The following PDS5A variants were observed in gnomAD, a reference collection of about 807,000 sequenced individuals.
PDS5A encodes the protein PDS5 cohesin associated factor A.
A neutral mutation model predicts 167.1 loss-of-function variants in PDS5A; 42 were observed. The ratio of observed to expected loss-of-function variants is 0.25; its 90% confidence interval spans 0.20 to 0.33. PDS5A has a LOEUF of 0.33. PDS5A is among the 10% of genes least tolerant of loss of function. The pLI is 1.00. For missense variants in PDS5A, 1,033 were observed against 1,605.9 expected, an observed-to-expected ratio of 0.64 and a Z score of 6.10; for synonymous variants, 553 against 554.6, an observed-to-expected ratio of 1.00 and a Z score of 0.04.
At chr4:39,901,425 G>A (rs2109653696) in intron 13 of PDS5A, among the ~76,000 whole-genome samples, 1 of 151,936 alleles carries the variant, frequency 6.6e-6, no homozygotes, top group East Asian at 1.9e-4. Context: ...GCACCACCAT[G>A]CCCAACTAAT....
chr4:39,940,882 G>A (rs1472051928), intron 2 of PDS5A, among the ~76,000 whole-genome samples: 1 of 152,152 alleles, frequency 6.6e-6, no homozygotes, highest in East Asian at 1.9e-4. Context: ...TGTTGCCCAG[G>A]CTGACTCAAA....
At chr4:39,916,944 T>C in intron 8 of PDS5A, 104 bp downstream of exon 8, 2 of 545,816 alleles carry the variant, frequency 3.7e-6, no homozygotes, top group East Asian at 6.9e-5. Context: ...GGTATACATT[T>C]TTCCTGGAAA....
Position 39,898,814 on chromosome 4 carries a change from G to T in PDS5A, c.1593C>A (p.Asn531Lys), listed in dbSNP as rs1404288617. The stretch of plus-strand genomic sequence containing the variant: ...TCAGTTTTCCAAACATGGCAGAACA[G>T]TTAGCCTCTGACTGAAATTTAAAAC... Reference protein sequence around the residue: ...DLHKQPTSEANCSAMFGKLMT... With the variant: ...DLHKQPTSEAKCSAMFGKLMT... The change falls in exon 15 of 33, where the codon AAC (asparagine) becomes AAA (lysine). Residue 531 changes from asparagine (N) to lysine (K), a missense_variant. By Grantham distance (94) the Asn-to-Lys change is moderately conservative. Coordinates refer to ENST00000303538, the MANE Select transcript of PDS5A (RefSeq NM_001100399.2). 1.6e-5 allele frequency: 26 copies of T among 1,589,186 alleles called. No homozygotes were observed. The highest frequency in any genetic ancestry group is 2.1e-5 in the Non-Finnish European group (25 of 1,164,784).
chr4:39,825,584 CTTTT>C, intron 32 of PDS5A, 96 bp from the exon 33 acceptor site: 22 of 674,350 alleles, frequency 3.3e-5, no homozygotes, highest in Admixed American at 1.5e-4. Flanking sequence ...TATCTAAAAT[CTTTT>C]TTTTTTTTTT....
chr4:39,888,670 A>C (rs1168844510), intron 17 of PDS5A, among the ~76,000 whole-genome samples: 1 of 147,868 alleles, frequency 6.8e-6, no homozygotes, highest in Non-Finnish European at 1.5e-5. Flanking sequence ...ATTATGTTAA[A>C]TAAAACAAGC....
At chr4:39,850,771 C>A (rs990983751) in intron 26 of PDS5A, among the ~76,000 whole-genome samples, 1 of 152,176 alleles carries the variant, frequency 6.6e-6, no homozygotes, top group Non-Finnish European at 1.5e-5. Context: ...CTGAAGGGAA[C>A]ATTTGAATTT....
intron 26 of PDS5A, among the ~76,000 whole-genome samples, chr4:39,859,645 C>CA (rs1217992636): frequency 6.6e-6 from 1 of 152,160 alleles, no homozygotes; most frequent in African/African-American, 2.4e-5. Context: ...AGTTCAATTT[C>CA]AGAGTGCACC....
At chr4:39,866,509 T>C (rs1719470877) in intron 23 of PDS5A, among the ~76,000 whole-genome samples, 1 of 152,212 alleles carries the variant, frequency 6.6e-6, no homozygotes, top group Non-Finnish European at 1.5e-5. Flanking sequence ...GCAGGGACTT[T>C]TCCTACTTAT....
At chr4:39,943,317 T>C (rs1452896531) in intron 2 of PDS5A, among the ~76,000 whole-genome samples, 1 of 152,138 alleles carries the variant, frequency 6.6e-6, no homozygotes, top group Non-Finnish European at 1.5e-5. Flanking sequence ...GTTTTTCTAA[T>C]ACACCAGCAT....
In PDS5A at chr4:39,926,759, G is replaced by T. The variant is rs756141196; in HGVS notation, c.429+16C>A. The T allele has an allele frequency of 1.8e-4, 193 of 1,050,214 alleles. No homozygotes were observed. The Middle Eastern group carries it at 2.0e-3, about 11-fold the overall frequency. The allele number at this position is 1,050,214 out of a possible 1,614,324, so 65.1% of individuals were successfully genotyped here. ...TGAAATAATGTTAATAGTTATTAAA[G>T]TTTTTTTTTTTTTACCTCTAATAAA... On this transcript the variant is annotated intron_variant, in intron 4 of 32. Transcript: ENST00000303538.
intron 2 of PDS5A, chr4:39,973,572 C>A: frequency 7.9e-7 from 1 of 1,261,438 alleles, no homozygotes. Context: ...AGGGTGGTCA[C>A]AGCAAAGGGT....
chr4:39,831,474 T>C (rs1214271569), intron 32 of PDS5A, among the ~76,000 whole-genome samples: 8 of 152,238 alleles, frequency 5.3e-5, no homozygotes, highest in Non-Finnish European at 1.0e-4. Flanking sequence ...ATAAGCACTA[T>C]ATTACCATTA....
At chr4:39,849,045 T>C in intron 27 of PDS5A, 75 bp from the exon 28 acceptor site, 1 of 1,019,100 alleles carries the variant, frequency 9.8e-7, no homozygotes, top group South Asian at 1.6e-5. Context: ...ACTAAATGTA[T>C]AATTTAGAGT....
chr4:39,945,978 G>A (rs147391109), intron 2 of PDS5A, among the ~76,000 whole-genome samples: 1 of 151,624 alleles, frequency 6.6e-6, no homozygotes, highest in East Asian at 1.9e-4. Flanking sequence ...GTGGAGGGAG[G>A]GGGGGATCAC....
chr4:39,968,918 G>C (rs1730244072), intron 2 of PDS5A, among the ~76,000 whole-genome samples: 1 of 151,650 alleles, frequency 6.6e-6, no homozygotes, highest in Non-Finnish European at 1.5e-5. Context: ...TGGGATTACA[G>C]GCATGTGCCA....
chr4:39,881,192 T>A (rs1046262939), intron 17 of PDS5A, among the ~76,000 whole-genome samples: 1 of 152,204 alleles, frequency 6.6e-6, no homozygotes, highest in Non-Finnish European at 1.5e-5. Context: ...ATATTTTCTT[T>A]ACCCATTCAT....
intron 23 of PDS5A, among the ~76,000 whole-genome samples, chr4:39,864,512 C>T (rs1022713128): frequency 1.3e-5 from 2 of 152,132 alleles, no homozygotes; most frequent in African/African-American, 4.8e-5. Flanking sequence ...CTTTCTACTT[C>T]GACTTCTATG....
intron 32 of PDS5A, among the ~76,000 whole-genome samples, chr4:39,835,087 C>T (rs909034734): frequency 4.6e-5 from 7 of 152,144 alleles, no homozygotes; most frequent in African/African-American, 1.4e-4. Flanking sequence ...TACAGGGGTG[C>T]GCCACCACAC....
intron 32 of PDS5A, among the ~76,000 whole-genome samples, chr4:39,827,187 A>C (rs953194880): frequency 5.9e-5 from 9 of 152,070 alleles, no homozygotes; most frequent in African/African-American, 2.2e-4. Flanking sequence ...TTTAGTAGAG[A>C]TGGGGTTTCA....
Sources: allele counts gnomAD v4.1 joint callset (sites outside exome capture counted in the v4.1 genomes callset), GRCh38; gene constraint gnomAD v4.1.1; transcripts MANE v1.5; gene names NCBI Gene and HGNC (gene_info 2026-07-23, HGNC 2026-07-21).